The following PTGIS variants were observed in gnomAD, a reference collection of about 807,000 sequenced individuals.
PTGIS encodes the protein prostaglandin I2 synthase.
A neutral mutation model predicts 50.3 loss-of-function variants in PTGIS; 45 were observed. That is an observed-to-expected ratio of 0.90 (90% CI 0.70 to 1.15). The LOEUF is 1.15. PTGIS is among the 50% of genes most tolerant of loss of function. The pLI is 0.00. For synonymous variants in PTGIS, 260 were observed against 267.7 expected (o/e 0.97, Z 0.28); for missense variants, 668 against 661.3 (o/e 1.01, Z -0.11).
intron 9 of PTGIS, among the ~76,000 whole-genome samples, chr20:49,510,604 AG>A (rs1981288033): frequency 6.6e-6 from 1 of 152,152 alleles, no homozygotes; most frequent in African/African-American, 2.4e-5. Context: ...CTGGGGTTCA[AG>A]GGAGATAATT....
chr20:49,557,655 C>A (rs1364931622), intron 1 of PTGIS, among the ~76,000 whole-genome samples: 1 of 152,032 alleles, frequency 6.6e-6, no homozygotes, highest in Non-Finnish European at 1.5e-5. Context: ...ATTCACTCTG[C>A]CATGAGGAAA....
At chr20:49,510,931 C>T in intron 9 of PTGIS, 97 bp downstream of exon 9, 1 of 1,217,892 alleles carries the variant, frequency 8.2e-7, no homozygotes. Context: ...CTCTGCCAAA[C>T]CATTCTCCTG....
chr20:49,559,743 A>G (rs973409755), intron 1 of PTGIS, among the ~76,000 whole-genome samples: 4 of 152,152 alleles, frequency 2.6e-5, no homozygotes, highest in Non-Finnish European at 5.9e-5. Flanking sequence ...ACTGTCCAGA[A>G]TTGGGAAATC....
rs114223599 is a variant in PTGIS, at chr20:49,526,181, C to T, written c.674-1942G>A. On this transcript the variant is annotated intron_variant, in intron 5 of 9. Transcript: ENST00000244043. ...AGATTGATCATGTCAAAATCACGTG[C>T]GTGGGAACTGGGCATCCAGAGGTTT... Among the ~76,000 whole-genome samples the T allele has an allele frequency of 9.4e-3, 1,430 of 152,220 alleles. 21 individuals carry two copies. Among genetic ancestry groups the T allele is most frequent in the East Asian group, 0.043 (223 of 5,182 alleles).
chr20:49,514,481 G>A, intron 6 of PTGIS, 86 bp from the exon 7 acceptor site: 1 of 1,482,272 alleles, frequency 6.7e-7, no homozygotes, highest in Non-Finnish European at 9.2e-7. Flanking sequence ...CCAAGACAGA[G>A]GGGCCAGTAG....
chr20:49,557,878 C>T (rs925525071), intron 1 of PTGIS, among the ~76,000 whole-genome samples: 2 of 152,164 alleles, frequency 1.3e-5, no homozygotes, highest in African/African-American at 4.8e-5. Context: ...GATTACCATA[C>T]CTTCCCTCTT....
At position 49,505,893 on chromosome 20, in the gene PTGIS, T is replaced by C. The variant is rs1333455927; in HGVS notation, c.*2027A>G. 1 of 152,654 alleles carries C rather than the reference T, an allele frequency of 6.6e-6. No homozygotes were observed. The highest frequency in any genetic ancestry group is 2.4e-5 in the African/African-American group (1 of 41,454). The allele number at this position is 152,654 out of a possible 1,614,324, so 9.5% of individuals were successfully genotyped here. A position where few individuals can be genotyped will look rare whatever the true frequency, so the allele number is the denominator to read the frequency against. ...GCCCAGGGAAGCCCCCAAACCCCAG[T>C]GCTGCTCTGAGAAGAGACTAGCCTC... On this transcript the variant is annotated 3_prime_UTR_variant, in exon 10 of 10. Coordinates refer to ENST00000244043, the MANE Select transcript of PTGIS (RefSeq NM_000961.4).
rs1225522190 is a variant in PTGIS, at chr20:49,531,214, AC to A, written c.674-6976del. Reference sequence around the variant, plus strand: ...AATAAAATAATAGAAAATCTGGCAAACCCCCCAAAAATAATTTCCAGTGAAA... The same window carrying A: ...AATAAAATAATAGAAAATCTGGCAAACCCCCAAAAATAATTTCCAGTGAAA... On this transcript the variant is annotated intron_variant, in intron 5 of 9. Transcript: ENST00000244043. 2.0e-5 allele frequency among the ~76,000 whole-genome samples: 3 copies of A among 152,256 alleles called. No individual in the cohort carries two copies. In the East Asian group the frequency reaches 5.8e-4, roughly 29 times the overall value.
Position 49,539,553 on chromosome 20 carries a change from G to T in PTGIS, c.673+17C>A, listed in dbSNP as rs1332892897. ...TCCATCCTCCCCCCCACCCACTGGG[G>T]CCCCCATGGTGCTTACCCACTGACA... On this transcript the variant is annotated intron_variant, in intron 5 of 9. Transcript: ENST00000244043. The T allele has an allele frequency of 1.2e-6, 2 of 1,611,482 alleles. No homozygotes were observed. Among genetic ancestry groups the T allele is most frequent in the East Asian group, 2.2e-5 (1 of 44,848 alleles).
chr20:49,536,113 A>C (rs1220616343), intron 5 of PTGIS, among the ~76,000 whole-genome samples: 1 of 152,248 alleles, frequency 6.6e-6, no homozygotes, highest in East Asian at 1.9e-4. Context: ...CTTTGTAAAC[A>C]CAGAGACACT....
rs564080263 is a variant in PTGIS at position 49,558,395 on chromosome 20, C to CA, written c.75-8207dup. ...GAGAACGAGACCCTGTTCCCACCAC[C>CA]AAAAAAGGGAAGAAAATAAGTGTTA... On this transcript the variant is annotated intron_variant, in intron 1 of 9. Coordinates refer to ENST00000244043, the MANE Select transcript of PTGIS (RefSeq NM_000961.4). Among the ~76,000 whole-genome samples the CA allele has an allele frequency of 7.1e-4, 108 of 151,916 alleles. 1 individual carries two copies. The South Asian group carries it at 0.022, about 30-fold the overall frequency.
At chr20:49,548,204 G>A (rs771833300) in intron 2 of PTGIS, among the ~76,000 whole-genome samples, 185 bp from the exon 3 acceptor site, 4 of 152,178 alleles carry the variant, frequency 2.6e-5, no homozygotes, top group Non-Finnish European at 5.9e-5. Flanking sequence ...CCCATTTATA[G>A]CTGAAAAAGT....
At chr20:49,563,521 A>G (rs477627) in intron 1 of PTGIS, among the ~76,000 whole-genome samples, 129,821 of 152,280 alleles carry the variant, frequency 0.85, 55,548 homozygotes, top group African/African-American at 0.9. Context: ...CTGTGGCAAG[A>G]TTTAGAGAGG....
rs771802776 is a variant in PTGIS at position 49,548,066 on chromosome 20, G to A, written c.199-47C>T. ...AGAGTGAGGAGTGTCACTGTGAACA[G>A]CAGCCGCTCTCAGTGGTCAGGGCCT... On this transcript the variant is annotated intron_variant, in intron 2 of 9. Transcript: ENST00000244043. 3.2e-6 allele frequency: 5 copies of A among 1,570,068 alleles called. No individual in the cohort carries two copies. In the Admixed American group the frequency reaches 8.4e-5, roughly 26 times the overall value.
chr20:49,508,537 C>A, intron 9 of PTGIS, among the ~76,000 whole-genome samples: 1 of 152,188 alleles, frequency 6.6e-6, no homozygotes, highest in East Asian at 1.9e-4. Flanking sequence ...CAGAGCTGAG[C>A]CTGTGCTGAT....
intron 5 of PTGIS, 124 bp downstream of exon 5, chr20:49,539,446 C>G: frequency 8.5e-7 from 1 of 1,176,982 alleles, no homozygotes; most frequent in Non-Finnish European, 1.2e-6. Flanking sequence ...GGGGATCTTA[C>G]TGCCTCCCTG....
intron 1 of PTGIS, among the ~76,000 whole-genome samples, chr20:49,565,865 C>T (rs2122913438): frequency 6.6e-6 from 1 of 152,284 alleles, no homozygotes; most frequent in East Asian, 1.9e-4. Flanking sequence ...CTCAAGCTGC[C>T]AGTGACCCTC....
At position 49,548,038 on chromosome 20, in the gene PTGIS, G is replaced by A; in HGVS notation, c.199-19C>T. ...CCAGTATCTGTGGGAAGTTGCCAGG[G>A]ATAGAGTGAGGAGTGTCACTGTGAA... On this transcript the variant is annotated intron_variant, in intron 2 of 9. Coordinates refer to ENST00000244043, the MANE Select transcript of PTGIS (RefSeq NM_000961.4). 6.2e-7 allele frequency: 1 copy of A among 1,612,164 alleles called. No individual in the cohort carries two copies. Among genetic ancestry groups the A allele is most frequent in the Non-Finnish European group, 8.5e-7 (1 of 1,178,674 alleles).
Position 49,513,630 on chromosome 20 carries a change from T to G in PTGIS, c.1025-369A>C, listed in dbSNP as rs182832957. On this transcript the variant is annotated intron_variant, in intron 7 of 9. Coordinates refer to ENST00000244043, the MANE Select transcript of PTGIS (RefSeq NM_000961.4). ...TTTTCCTCTAGGGTCCACCCCTCTC[T>G]CATTCTCAGGGGTTAGACTGCTGCT... Among the ~76,000 whole-genome samples the G allele has an allele frequency of 5.6e-3, 846 of 152,246 alleles. 7 individuals carry two copies. The highest frequency in any genetic ancestry group is 0.019 in the African/African-American group (809 of 41,540).
Sources: gnomAD v4.1 joint callset for allele counts (sites outside exome capture counted in the v4.1 genomes callset) on GRCh38, gnomAD v4.1.1 for gene constraint, MANE v1.5 for transcripts, NCBI Gene and HGNC (gene_info 2026-07-23, HGNC 2026-07-21) for gene names.